The following KHDRBS2 variants were observed in gnomAD, a reference collection of about 807,000 sequenced individuals.
The protein encoded by KHDRBS2 is KH RNA binding domain containing, signal transduction associated 2, also known as KH domain-containing, RNA-binding, signal transduction-associated protein 2.
Under a neutral mutation model 44.3 loss-of-function variants are expected in KHDRBS2, and 26 were observed. That is an observed-to-expected ratio of 0.59 (90% CI 0.43 to 0.81). The LOEUF (loss-of-function observed/expected upper bound fraction) is 0.81. Among genes scored for constraint, KHDRBS2 ranks in the 40% least tolerant of loss-of-function variants. The pLI is 0.00. For missense variants in KHDRBS2, 476 were observed against 433.1 expected (o/e 1.10, Z -0.88); for synonymous variants, 194 against 151.1 (o/e 1.28, Z -2.08).
intron 2 of KHDRBS2, among the ~76,000 whole-genome samples, chr6:62,094,155 A>C (rs1800078403): frequency 1.3e-5 from 2 of 151,854 alleles, no homozygotes; most frequent in South Asian, 4.1e-4. Context: ...CAATTCCACC[A>C]GTAGTGTGTA....
intron 4 of KHDRBS2, among the ~76,000 whole-genome samples, chr6:61,909,351 G>A (rs1198041561): frequency 1.3e-5 from 2 of 152,108 alleles, no homozygotes; most frequent in African/African-American, 4.8e-5. Flanking sequence ...TTACAGGTAT[G>A]AGCCACCGTG....
chr6:62,062,699 T>A (rs1421756353), intron 2 of KHDRBS2, among the ~76,000 whole-genome samples: 2 of 147,702 alleles, frequency 1.4e-5, no homozygotes, highest in African/African-American at 5.0e-5. Context: ...ATTGACACCC[T>A]AACATCACAA....
intron 6 of KHDRBS2, among the ~76,000 whole-genome samples, chr6:61,812,940 A>G (rs1788358367): frequency 6.6e-6 from 1 of 152,206 alleles, no homozygotes; most frequent in Non-Finnish European, 1.5e-5. Context: ...TAAGATCATG[A>G]TAATTTAAGT....
intron 3 of KHDRBS2, among the ~76,000 whole-genome samples, chr6:61,978,771 G>A (rs1444494923): frequency 3.3e-5 from 5 of 152,044 alleles, no homozygotes; most frequent in South Asian, 2.1e-4. Context: ...CTTTTCTATC[G>A]CTTGCTGCCT....
At chr6:61,569,150 A>G in the KHDRBS2 span, among the ~76,000 whole-genome samples, 1 of 152,028 alleles carries the variant, frequency 6.6e-6, no homozygotes, top group Non-Finnish European at 1.5e-5. Flanking sequence ...CTTCCCTGGC[A>G]CAGCAAAGGC....
At chr6:61,658,025 CT>C in the KHDRBS2 span, among the ~76,000 whole-genome samples, 1 of 151,886 alleles carries the variant, frequency 6.6e-6, no homozygotes, top group Non-Finnish European at 1.5e-5. Flanking sequence ...ATCCAAATGT[CT>C]AATTCATTCA....
intron 3 of KHDRBS2, among the ~76,000 whole-genome samples, chr6:61,995,565 G>A (rs946886913): frequency 6.6e-6 from 1 of 152,100 alleles, no homozygotes; most frequent in South Asian, 2.1e-4. Flanking sequence ...ATAATTAATG[G>A]TACTTCCTTT....
chr6:61,771,994 A>C (rs1781000661), intron 6 of KHDRBS2, among the ~76,000 whole-genome samples: 1 of 152,222 alleles, frequency 6.6e-6, no homozygotes, highest in African/African-American at 2.4e-5. Context: ...TGTATCTCAG[A>C]CCACAGTGCA....
chr6:61,624,081 G>A, the KHDRBS2 span, among the ~76,000 whole-genome samples: 41 of 152,186 alleles, frequency 2.7e-4, no homozygotes, highest in Non-Finnish European at 8.8e-5. Flanking sequence ...AGAAGTAGCA[G>A]AAAGACATAT....
chr6:61,543,113 G>C, the KHDRBS2 span, among the ~76,000 whole-genome samples: 1 of 151,760 alleles, frequency 6.6e-6, no homozygotes, highest in Non-Finnish European at 1.5e-5. Context: ...TGGACAAATG[G>C]GATCACATCA....
the KHDRBS2 span, among the ~76,000 whole-genome samples, chr6:61,604,323 T>C: frequency 1.1e-4 from 16 of 151,470 alleles, no homozygotes; most frequent in Non-Finnish European, 1.8e-4. Context: ...ACAATGCTTA[T>C]GCTGATAAGG....
chr6:61,598,161 A>C, the KHDRBS2 span, among the ~76,000 whole-genome samples: 1 of 151,098 alleles, frequency 6.6e-6, no homozygotes, highest in African/African-American at 2.4e-5. Context: ...TTCAGTTCCC[A>C]GTGGCAGTGG....
chr6:62,146,848 C>T (rs1814047328), intron 2 of KHDRBS2, among the ~76,000 whole-genome samples: 2 of 151,838 alleles, frequency 1.3e-5, no homozygotes, highest in South Asian at 4.1e-4. Flanking sequence ...TCACCAGACA[C>T]ACTCAAAAAA....
At chr6:62,199,466 A>G (rs2150136949) in intron 1 of KHDRBS2, among the ~76,000 whole-genome samples, 1 of 152,328 alleles carries the variant, frequency 6.6e-6, no homozygotes, top group Non-Finnish European at 1.5e-5. Flanking sequence ...CCAAATTATG[A>G]GTGAACTCCC....
chr6:62,053,793 C>T (rs181037034), intron 2 of KHDRBS2, among the ~76,000 whole-genome samples: 69 of 151,686 alleles, frequency 4.5e-4, no homozygotes, highest in Admixed American at 1.6e-3. Flanking sequence ...TAAAAAAATG[C>T]CATTTATATA....
intron 6 of KHDRBS2, among the ~76,000 whole-genome samples, chr6:61,848,488 TATG>T (rs1562293441): frequency 2.2e-4 from 8 of 36,928 alleles, no homozygotes; most frequent in African/African-American, 1.4e-3. Flanking sequence ...TATATATATA[TATG>T]TATATATATA....
At chr6:61,818,621 A>G (rs1414480648) in intron 6 of KHDRBS2, among the ~76,000 whole-genome samples, 1 of 151,978 alleles carries the variant, frequency 6.6e-6, no homozygotes, top group Non-Finnish European at 1.5e-5. Flanking sequence ...TTGACACTGG[A>G]CAATGGAATG....
intron 6 of KHDRBS2, chr6:61,814,149 A>T: frequency 6.9e-6 from 3 of 432,414 alleles, no homozygotes; most frequent in Non-Finnish European, 1.4e-5. Flanking sequence ...ATCCTGTAGC[A>T]AACAGATATC....
At chr6:61,555,905 G>A in the KHDRBS2 span, among the ~76,000 whole-genome samples, 2 of 152,182 alleles carry the variant, frequency 1.3e-5, no homozygotes, top group African/African-American at 4.8e-5. Context: ...GAGAGGCCAA[G>A]GTTTTCCTGG....
Sources: allele counts gnomAD v4.1 joint callset (sites outside exome capture counted in the v4.1 genomes callset), GRCh38; gene constraint gnomAD v4.1.1; transcripts MANE v1.5; gene names NCBI Gene and HGNC (gene_info 2026-07-23, HGNC 2026-07-21).